Variants in TRIM28 observed in about 807,000 individuals in gnomAD.
TRIM28 encodes the protein tripartite motif containing 28, also known as transcription intermediary factor 1-beta.
Under a neutral mutation model 87.4 loss-of-function variants are expected in TRIM28, and 8 were observed. The observed-to-expected ratio is 0.09, with a 90% CI of 0.05 to 0.17. TRIM28 has a LOEUF of 0.17. TRIM28 is among the 10% of genes least tolerant of loss of function. The pLI is 1.00. For synonymous variants in TRIM28, 601 were observed against 454.3 expected, an observed-to-expected ratio of 1.32 and a Z score of -4.11; for missense variants, 968 against 1,131.8, an observed-to-expected ratio of 0.86 and a Z score of 2.08.
intron 7 of TRIM28, 27 bp downstream of exon 7, chr19:58,548,207 T>G: frequency 6.2e-7 from 1 of 1,613,606 alleles, no homozygotes. Context: ...TCCTGGCTGG[T>G]GGGTTCCAGG....
intron 5 of TRIM28, 26 bp downstream of exon 5, chr19:58,547,739 G>T: frequency 6.2e-7 from 1 of 1,613,834 alleles, no homozygotes; most frequent in East Asian, 2.2e-5. Flanking sequence ...GGGGCTGTGG[G>T]GGTGGCCCAG....
chr19:58,545,704 G>C lies in TRIM28; in HGVS notation c.454-60G>C, dbSNP rs141635069. 5.4e-5 allele frequency: 85 copies of C among 1,577,992 alleles called. No individual in the cohort carries two copies. The African/African-American group carries it at 1.0e-3, about 19-fold the overall frequency. On this transcript the variant is annotated intron_variant, in intron 2 of 16. Transcript: ENST00000253024. The stretch of plus-strand genomic sequence containing the variant: ...TTAAATCTCCGGTTGTATTTTCTGG[G>C]ATGTAAACGTGGATCTATCAAGTTG...
intron 1 of TRIM28, 70 bp from the exon 2 acceptor site, chr19:58,545,355 C>T (rs2053751837): frequency 1.6e-6 from 2 of 1,274,824 alleles, no homozygotes; most frequent in African/African-American, 1.5e-5. Context: ...GCCCACCCAG[C>T]AGGGGAATGG....
Position 58,549,719 on chromosome 19 carries a change from T to G in TRIM28, c.1983-18T>G. ...TCTGGACAGGATCATGTGCAGACCCTTATTTTCTTCACCCTAGGGAGGAGT... is the reference window on the plus strand; with the variant it reads ...TCTGGACAGGATCATGTGCAGACCCGTATTTTCTTCACCCTAGGGAGGAGT... On this transcript the variant is annotated intron_variant, in intron 13 of 16. Coordinates refer to ENST00000253024, the MANE Select transcript of TRIM28 (RefSeq NM_005762.3). This position sits in a 1 kb window ranked among gnomAD's most constrained non-coding sequence, Gnocchi z 4.4. 1 of 1,600,682 alleles carries G rather than the reference T, an allele frequency of 6.2e-7. No individual in the cohort carries two copies. The highest frequency in any genetic ancestry group is 1.1e-5 in the South Asian group (1 of 89,652).
Position 58,548,135 on chromosome 19 carries a change from T to C in TRIM28, c.1056T>C (p.Ala352=), listed in dbSNP as rs2053777710. The C allele has an allele frequency of 1.2e-6, 2 of 1,614,072 alleles. No individual in the cohort carries two copies. The highest frequency in any genetic ancestry group is 2.2e-5 in the South Asian group (2 of 91,090). ...ACATTCTGCGCTTTGCCTCTTGGGCTCTGGAGAGTGACAACAACACAGCCC... is the reference window on the plus strand; with the variant it reads ...ACATTCTGCGCTTTGCCTCTTGGGCCCTGGAGAGTGACAACAACACAGCCC... The part of the protein sequence containing the change: ...QEHILRFASW[A]LESDNNTALL... The change falls in exon 7 of 17, where the codon GCT becomes GCC. Residue 352 remains alanine (A), a synonymous_variant. Coordinates refer to ENST00000253024, the MANE Select transcript of TRIM28 (RefSeq NM_005762.3).
In TRIM28 at chr19:58,544,665, CAGCGGCCCAGCAGTT is replaced by C; in HGVS notation, c.-92_-78del. 2.0e-6 allele frequency: 1 copy of C among 491,352 alleles called. No homozygotes were observed. The highest frequency in any genetic ancestry group is 2.6e-6 in the Non-Finnish European group (1 of 380,502). 30.4% of individuals were successfully genotyped at this position (491,352 alleles called of 1,614,324 possible). On this transcript the variant is annotated 5_prime_UTR_variant, in exon 1 of 17. Transcript: ENST00000253024. ...CTCGGCCTCGCGGCGGCGGCGGCGG[CAGCGGCCCAGCAGTT>C]GGCGGCGAGCGCGTCTGCGCCTGCG...
rs141297997 is a variant in TRIM28, at chr19:58,545,562, A to G, written c.453+25A>G. 99 of 1,579,222 alleles carry G rather than the reference A, an allele frequency of 6.3e-5. No individual in the cohort carries two copies. The African/African-American group carries it at 1.1e-3, about 18-fold the overall frequency. On this transcript the variant is annotated intron_variant, in intron 2 of 16. Transcript: ENST00000253024. The stretch of plus-strand genomic sequence containing the variant: ...GGTGCGTCCTATCTCAGCAACCACA[A>G]GGAGGTTTCTGGGGAGGGGGCATCT...
chr19:58,549,546 C>T lies in TRIM28; in HGVS notation c.1878C>T (p.Thr626=). Residue 626 remains threonine (T), a synonymous_variant, in exon 13 of 17, where the codon ACC becomes ACT. Transcript: ENST00000253024. This position sits in a 1 kb window ranked among gnomAD's most constrained non-coding sequence, Gnocchi z 4.4. The part of the protein sequence containing the change: ...GGPGTLDDSA[T]ICRVCQKPGD... Reference sequence around the variant, plus strand: ...CGGGAACCCTGGATGACAGTGCCACCATTTGCCGTGTCTGCCAGAAGCCAG... The same window carrying T: ...CGGGAACCCTGGATGACAGTGCCACTATTTGCCGTGTCTGCCAGAAGCCAG... The T allele has an allele frequency of 1.2e-6, 2 of 1,614,046 alleles. No individual in the cohort carries two copies. Among genetic ancestry groups the T allele is most frequent in the Non-Finnish European group, 1.7e-6 (2 of 1,179,998 alleles).
rs1156611157 is a variant in TRIM28 at position 58,544,388 on chromosome 19, AG to A, written c.-368del. On this transcript the variant is annotated 5_prime_UTR_variant, in exon 1 of 17. Coordinates refer to ENST00000253024, the MANE Select transcript of TRIM28 (RefSeq NM_005762.3). ...GGCCTGGGCCCCGCCCCCGGGCGTG[AG>A]GCGCCCAATGCGCGTGCGCGGCGGC... 2.0e-5 allele frequency: 3 copies of A among 152,016 alleles called. No homozygotes were observed. The highest frequency in any genetic ancestry group is 7.3e-5 in the African/African-American group (3 of 41,360). 9.4% of individuals were successfully genotyped at this position (152,016 alleles called of 1,614,324 possible).
At position 58,544,912 on chromosome 19, in the gene TRIM28, CG is replaced by C; in HGVS notation, c.161del (p.Gly54AlafsTer39). The C allele has an allele frequency of 4.3e-6, 6 of 1,390,552 alleles. No homozygotes were observed. The highest frequency in any genetic ancestry group is 5.6e-6 in the Non-Finnish European group (6 of 1,080,808). The allele number at this position is 1,390,552 out of a possible 1,614,324, so 86.1% of individuals were successfully genotyped here. ...GCCTCAGCCGCGGCGTCGTCGCCCG[CG>C]GGGGGCGGCGCCGAGGCGCTGGAGC... is the stretch of plus-strand genomic sequence containing the variant. The part of the protein sequence containing the change: ...ASASAAASSP[A>X]GGGAEALELL... On this transcript the variant is annotated frameshift_variant, in exon 1 of 17. Transcript: ENST00000253024. LOFTEE classifies it high-confidence loss of function.
At position 58,549,541 on chromosome 19, in the gene TRIM28, GCCA is replaced by G. The variant is rs749435597; in HGVS notation, c.1877_1879del (p.Thr626del). 4 of 1,614,066 alleles carry G rather than the reference GCCA, an allele frequency of 2.5e-6. No homozygotes were observed. Among genetic ancestry groups the G allele is most frequent in the Non-Finnish European group, 2.5e-6 (3 of 1,180,004 alleles). On this transcript the variant is annotated inframe_deletion, in exon 13 of 17. Coordinates refer to ENST00000253024, the MANE Select transcript of TRIM28 (RefSeq NM_005762.3). The surrounding 1 kb of genome is among the most constrained non-coding windows in gnomAD (Gnocchi z 4.4). Reference sequence around the variant, plus strand: ...TGGCCCGGGAACCCTGGATGACAGTGCCACCATTTGCCGTGTCTGCCAGAAGCC... The same window carrying G: ...TGGCCCGGGAACCCTGGATGACAGTGCCATTTGCCGTGTCTGCCAGAAGCC...
Position 58,549,217 on chromosome 19 carries a change from C to T in TRIM28, c.1639C>T (p.Leu547=), listed in dbSNP as rs371947385. 53 of 1,613,596 alleles carry T rather than the reference C, an allele frequency of 3.3e-5. No individual in the cohort carries two copies. The East Asian group carries it at 6.0e-4, about 18-fold the overall frequency. ...APAGTPGAPP[L]AGMAIVKEEE... is the part of the protein sequence containing the mutation. Reference sequence around the variant, plus strand: ...TGCAGGAACCCCTGGTGCCCCACCCCTGGCTGGCATGGCCATTGTCAAGGT... The same window carrying T: ...TGCAGGAACCCCTGGTGCCCCACCCTTGGCTGGCATGGCCATTGTCAAGGT... The change falls in exon 12 of 17, where the codon CTG becomes TTG. Residue 547 remains leucine, a synonymous_variant. Transcript: ENST00000253024. The surrounding 1 kb of genome is among the most constrained non-coding windows in gnomAD (Gnocchi z 4.4).
In TRIM28 at chr19:58,547,428, G is replaced by A. The variant is rs150507492; in HGVS notation, c.639G>A (p.Lys213=). The change falls in exon 4 of 17, where the codon AAG becomes AAA. Residue 213 remains lysine (K), a synonymous_variant. Transcript: ENST00000253024. ...GERTVYCNVH[K]HEPLVLFCES... ...GTACTGTCTATTGCAACGTACACAA[G>A]CATGAACCCCTTGTGCTGTTTTGTG... 1 of 1,613,956 alleles carries A rather than the reference G, an allele frequency of 6.2e-7. No homozygotes were observed. Among genetic ancestry groups the A allele is most frequent in the African/African-American group, 1.3e-5 (1 of 74,898 alleles).
intron 2 of TRIM28, 70 bp downstream of exon 2, chr19:58,545,607 C>T (rs529888458): frequency 2.7e-6 from 4 of 1,497,552 alleles, no homozygotes; most frequent in Middle Eastern, 1.8e-4. Context: ...GAGCTTGGCA[C>T]CAGCTCCAGG....
rs147474463 is a variant in TRIM28 at position 58,550,017 on chromosome 19, C to G, written c.2175C>G (p.Thr725=). The G allele has an allele frequency of 6.2e-7, 1 of 1,614,050 alleles. No individual in the cohort carries two copies. Among genetic ancestry groups the G allele is most frequent in the Non-Finnish European group, 8.5e-7 (1 of 1,179,994 alleles). The change falls in exon 15 of 17, where the codon ACC becomes ACG. Residue 725 remains threonine (T), a synonymous_variant. Coordinates refer to ENST00000253024, the MANE Select transcript of TRIM28 (RefSeq NM_005762.3). ...GCCGCCCCCTGCATCAGCTGGCTACCGACTCCACCTTCTCCCTGGTGAGTC... is the reference window on the plus strand; with the variant it reads ...GCCGCCCCCTGCATCAGCTGGCTACGGACTCCACCTTCTCCCTGGTGAGTC... ...EPCRPLHQLA[T]DSTFSLDQPG...
At chr19:58,547,340 A>ATTCAC in intron 3 of TRIM28, 36 bp from the exon 4 acceptor site, 1 of 1,600,900 alleles carries the variant, frequency 6.2e-7, no homozygotes, top group South Asian at 1.1e-5. Flanking sequence ...GGGGTGGTGA[A>ATTCAC]GGGCAAGGTC....
Position 58,548,902 on chromosome 19 carries a change from T to C in TRIM28, c.1401T>C (p.Gly467=), listed in dbSNP as rs753625176. ...PYSSAEPHVS[G]VKRSRSGEGE... The stretch of plus-strand genomic sequence containing the variant: ...CAAGTGCAGAGCCCCATGTGTCAGG[T>C]GTGAAACGGTAAGTATGGCACCTCC... Residue 467 remains glycine (G), a synonymous_variant, in exon 11 of 17, where the codon GGT becomes GGC. Coordinates refer to ENST00000253024, the MANE Select transcript of TRIM28 (RefSeq NM_005762.3). 6.2e-7 allele frequency: 1 copy of C among 1,613,996 alleles called. No individual in the cohort carries two copies. Among genetic ancestry groups the C allele is most frequent in the Admixed American group, 1.7e-5 (1 of 60,018 alleles).
intron 1 of TRIM28, 98 bp downstream of exon 1, chr19:58,545,195 G>C (rs2053750107): frequency 2.6e-6 from 3 of 1,173,758 alleles, no homozygotes; most frequent in African/African-American, 3.1e-5. Context: ...GAGAGGATGG[G>C]GGCCCGGACA....
rs2053747509 is a variant in TRIM28, at chr19:58,544,994, C to T, written c.237C>T (p.Arg79=). The T allele has an allele frequency of 3.3e-6, 5 of 1,514,594 alleles. No individual in the cohort carries two copies. Among genetic ancestry groups the T allele is most frequent in the Middle Eastern group, 1.9e-4 (1 of 5,262 alleles). 93.8% of individuals were successfully genotyped at this position (1,514,594 alleles called of 1,614,324 possible). A position where few individuals can be genotyped will look rare whatever the true frequency, so the allele number is the denominator to read the frequency against. ...GCCTGCGACCCGAGAGGGAGCCCCG[C>T]CTGCTGCCCTGTTTGCACTCGGCCT... The part of the protein sequence containing the change: ...RERLRPEREP[R]LLPCLHSACS... Residue 79 remains arginine (R), a synonymous_variant, in exon 1 of 17, where the codon CGC becomes CGT. Transcript: ENST00000253024.
Sources: gnomAD v4.1 joint callset for allele counts on GRCh38, gnomAD v4.1.1 for gene constraint, Gnocchi (gnomAD v3.1) non-coding constraint, MANE v1.5 for transcripts, NCBI Gene and HGNC (gene_info 2026-07-23, HGNC 2026-07-21) for gene names.